ELAVL2: variants seen among roughly 807,000 people sequenced by gnomAD.
ELAVL2 encodes the protein ELAV-like protein 2.
Under a neutral mutation model 34.6 loss-of-function variants are expected in ELAVL2, and 4 were observed. The observed-to-expected ratio is 0.12, with a 90% CI of 0.06 to 0.26. The LOEUF (loss-of-function observed/expected upper bound fraction) is 0.26, where lower values mean the gene tolerates loss of function less well. Ranked by LOEUF, ELAVL2 falls within the 10% of genes least tolerant of loss-of-function variation. The pLI is 1.00. For synonymous variants in ELAVL2, 193 were observed against 154.8 expected, an observed-to-expected ratio of 1.25 and a Z score of -1.83; for missense variants, 432 against 442.8, an observed-to-expected ratio of 0.98 and a Z score of 0.22.
chr9:23,809,361 A>G (rs1259177718), intron 1 of ELAVL2, among the ~76,000 whole-genome samples: 6 of 152,176 alleles, frequency 3.9e-5, no homozygotes, highest in Admixed American at 3.3e-4. Flanking sequence ...CAGCTTCTCA[A>G]TTCTAAGACA....
chr9:23,745,661 A>G (rs1004679402), intron 2 of ELAVL2, among the ~76,000 whole-genome samples: 3 of 152,192 alleles, frequency 2.0e-5, no homozygotes, highest in African/African-American at 7.2e-5. Context: ...TAGGACACAG[A>G]AATATAATGC....
intron 1 of ELAVL2, among the ~76,000 whole-genome samples, chr9:23,784,503 T>G (rs2059450266): frequency 6.6e-6 from 1 of 152,136 alleles, no homozygotes; most frequent in Non-Finnish European, 1.5e-5. Context: ...TAGGTAGTGT[T>G]GGGGGCAGTG....
chr9:23,846,998 G>T, the ELAVL2 span, among the ~76,000 whole-genome samples: 1 of 151,914 alleles, frequency 6.6e-6, no homozygotes. Context: ...TCAGTTTCTA[G>T]GTGAAATAAA....
At chr9:23,735,836 G>A (rs2047757729) in intron 2 of ELAVL2, among the ~76,000 whole-genome samples, 1 of 152,138 alleles carries the variant, frequency 6.6e-6, no homozygotes. Context: ...GCACTCCAGA[G>A]GCCTCTGAAG....
At chr9:23,775,438 T>C (rs2058034876) in intron 1 of ELAVL2, among the ~76,000 whole-genome samples, 1 of 152,112 alleles carries the variant, frequency 6.6e-6, no homozygotes, top group African/African-American at 2.4e-5. Context: ...ATTTCAAAAC[T>C]TCAAGAGTTC....
intron 2 of ELAVL2, among the ~76,000 whole-genome samples, chr9:23,755,413 A>G (rs1470129731): frequency 6.6e-6 from 1 of 152,218 alleles, no homozygotes; most frequent in Admixed American, 6.5e-5. Flanking sequence ...ACTTTCTCCA[A>G]AATTTTATAT....
At position 23,701,401 on chromosome 9, in the gene ELAVL2, C is replaced by T. The variant is rs1322318054; in HGVS notation, c.691G>A (p.Ala231Thr). 1.9e-6 allele frequency: 3 copies of T among 1,614,080 alleles called. No individual in the cohort carries two copies. The Admixed American group carries it at 5.0e-5, about 27-fold the overall frequency. Residue 231 changes from alanine to threonine, a missense_variant, in exon 5 of 7, where the codon GCT becomes ACT. Ala to Thr is a moderately conservative substitution (Grantham distance 58, BLOSUM62 0). Around this residue, in one of 3 missense-constraint regions of ELAVL2, gnomAD observed 295 missense variants for 306.1 expected, o/e 0.96. Transcript: ENST00000397312. Reference sequence around the variant, plus strand: ...TACCTAAAACGCTGTGCCTGCTGAGCTAGCGGTCCTGGATACCTTCTGTTT... The same window carrying T: ...TACCTAAAACGCTGTGCCTGCTGAGTTAGCGGTCCTGGATACCTTCTGTTT... The part of the protein sequence containing the change: ...SPNRRYPGPL[A>T]QQAQRFRLDN...
chr9:23,712,363 T>C (rs573892676), intron 3 of ELAVL2, among the ~76,000 whole-genome samples: 1 of 152,222 alleles, frequency 6.6e-6, no homozygotes, highest in Admixed American at 6.5e-5. Flanking sequence ...CAAGGAGACA[T>C]CAGAAGAGCT....
intron 1 of ELAVL2, among the ~76,000 whole-genome samples, chr9:23,804,252 C>G (rs1426426380): frequency 6.6e-6 from 1 of 151,768 alleles, no homozygotes; most frequent in African/African-American, 2.4e-5. Context: ...CGGCTCACAG[C>G]AACCTCCACC....
intron 1 of ELAVL2, among the ~76,000 whole-genome samples, chr9:23,799,617 G>A (rs1016026771): frequency 6.6e-6 from 1 of 152,096 alleles, no homozygotes; most frequent in African/African-American, 2.4e-5. Context: ...ATGCTCAATA[G>A]TAACTCTTGC....
At chr9:23,809,245 C>T (rs986692077) in intron 1 of ELAVL2, among the ~76,000 whole-genome samples, 2 of 152,064 alleles carry the variant, frequency 1.3e-5, no homozygotes, top group African/African-American at 4.8e-5. Context: ...TATTTTCTCA[C>T]GTTTACACCA....
At position 23,816,317 on chromosome 9, in the gene ELAVL2, TAAAAAAAAA is replaced by T. The variant is rs10717104; in HGVS notation, c.-16+9480_-16+9488del. Among the ~76,000 whole-genome samples the T allele has an allele frequency of 8.9e-4, 40 of 44,708 alleles. No individual in the cohort carries two copies. The South Asian group carries it at 0.024, about 27-fold the overall frequency. The allele number at this position is 44,708 out of a possible 152,430, so 29.3% of individuals were successfully genotyped here. A position where few individuals can be genotyped will look rare whatever the true frequency, so the allele number is the denominator to read the frequency against. ...GAAAGTGTGTACTAAAAGCTTTCAGTAAAAAAAAAAAAAAAAAAAAAAAAAAAAAGGGGA... is the reference window on the plus strand; with the variant it reads ...GAAAGTGTGTACTAAAAGCTTTCAGTAAAAAAAAAAAAAAAAAAAAGGGGA... On this transcript the variant is annotated intron_variant, in intron 1 of 6. Transcript: ENST00000397312.
intron 1 of ELAVL2, among the ~76,000 whole-genome samples, chr9:23,781,142 A>C (rs976185092): frequency 6.6e-6 from 1 of 152,200 alleles, no homozygotes; most frequent in African/African-American, 2.4e-5. Context: ...AAAAGAAATA[A>C]GTTATAACAA....
intron 1 of ELAVL2, among the ~76,000 whole-genome samples, chr9:23,782,636 A>ATT (rs1268939539): frequency 6.6e-6 from 1 of 152,180 alleles, no homozygotes; most frequent in African/African-American, 2.4e-5. Flanking sequence ...AGCTTAAGCC[A>ATT]TTTTAAAGAG....
intron 1 of ELAVL2, among the ~76,000 whole-genome samples, chr9:23,803,075 T>C (rs2061765906): frequency 6.6e-6 from 1 of 152,158 alleles, no homozygotes; most frequent in African/African-American, 2.4e-5. Context: ...GCCTTTATGG[T>C]GAATCCCTTT....
chr9:23,811,464 G>A (rs2062988776), intron 1 of ELAVL2, among the ~76,000 whole-genome samples: 1 of 152,232 alleles, frequency 6.6e-6, no homozygotes, highest in African/African-American at 2.4e-5. Flanking sequence ...GCTCCTGGAA[G>A]ACATGGCCTT....
intron 4 of ELAVL2, among the ~76,000 whole-genome samples, chr9:23,703,047 C>T (rs565429631): frequency 1.4e-5 from 2 of 140,922 alleles, no homozygotes; most frequent in South Asian, 5.0e-4. Context: ...CTAAGAACAA[C>T]CTGTGGCTCA....
the ELAVL2 span, among the ~76,000 whole-genome samples, chr9:23,844,796 C>T: frequency 6.6e-6 from 1 of 151,968 alleles, no homozygotes; most frequent in African/African-American, 2.4e-5. Context: ...TTACTCTGCC[C>T]TTTCTATAAT....
At chr9:23,790,797 C>G (rs2060234093) in intron 1 of ELAVL2, among the ~76,000 whole-genome samples, 1 of 152,184 alleles carries the variant, frequency 6.6e-6, no homozygotes, top group African/African-American at 2.4e-5. Flanking sequence ...GATGTCTGCT[C>G]TGGACGAGCA....
Sources: allele counts gnomAD v4.1 joint callset (sites outside exome capture counted in the v4.1 genomes callset), GRCh38; gene constraint gnomAD v4.1.1; regional missense constraint gnomAD v4.1.1; transcripts MANE v1.5; gene names NCBI Gene and HGNC (gene_info 2026-07-23, HGNC 2026-07-21).